Variants in FGF12 observed in about 807,000 individuals in gnomAD.
FGF12 encodes fibroblast growth factor 12B.
In FGF12, 14 loss-of-function variants were observed where a neutral mutation model predicts 23.6. That is an observed-to-expected ratio of 0.59 (90% CI 0.39 to 0.93). The LOEUF is 0.93. Ranked by LOEUF, FGF12 falls within the 40% of genes least tolerant of loss-of-function variation. FGF12 has a pLI of 0.00. For synonymous variants in FGF12, 62 were observed against 77.3 expected (o/e 0.80, Z 1.04); for missense variants, 175 against 217.8 (o/e 0.80, Z 1.24).
rs1724579272 is a variant in FGF12, at chr3:192,514,113, C to T, written c.14-153575G>A. Among the ~76,000 whole-genome samples, 1 of 152,072 alleles carries T rather than the reference C, an allele frequency of 6.6e-6. No individual in the cohort carries two copies. Among genetic ancestry groups the T allele is most frequent in the Non-Finnish European group, 1.5e-5 (1 of 68,018 alleles). On this transcript the variant is annotated intron_variant, in intron 2 of 5. Transcript: ENST00000445105. The surrounding 1 kb of genome is among the most constrained non-coding windows in gnomAD (Gnocchi z 4.9). ...CTTTCCCAGGGCACCCGGTTGAAGCCCAAGGCTAACTGGGACCCTCCTACT... is the reference window on the plus strand; with the variant it reads ...CTTTCCCAGGGCACCCGGTTGAAGCTCAAGGCTAACTGGGACCCTCCTACT...
chr3:192,284,665 GC>G (rs1245167730), intron 4 of FGF12, among the ~76,000 whole-genome samples: 1 of 151,954 alleles, frequency 6.6e-6, no homozygotes, highest in East Asian at 1.9e-4. Context: ...GATTCTCAAG[GC>G]AAATCAATAG....
chr3:192,527,337 A>G (rs1260953453), intron 2 of FGF12, among the ~76,000 whole-genome samples: 1 of 152,232 alleles, frequency 6.6e-6, no homozygotes, highest in Non-Finnish European at 1.5e-5. Flanking sequence ...AACTAAGATG[A>G]TGACTAGTTT....
intron 2 of FGF12, among the ~76,000 whole-genome samples, chr3:192,624,298 T>C (rs1209512942): frequency 6.6e-6 from 1 of 152,192 alleles, no homozygotes; most frequent in East Asian, 1.9e-4. Flanking sequence ...TTTCTATTTA[T>C]ATCAACATAG....
chr3:192,469,172 G>C (rs1367721375), intron 2 of FGF12, among the ~76,000 whole-genome samples: 1 of 152,016 alleles, frequency 6.6e-6, no homozygotes, highest in Non-Finnish European at 1.5e-5. Flanking sequence ...CTTCCCCAGC[G>C]CTGCAATCTA....
chr3:192,534,581 G>C (rs1247600854), intron 2 of FGF12, among the ~76,000 whole-genome samples: 1 of 151,998 alleles, frequency 6.6e-6, no homozygotes, highest in South Asian at 2.1e-4. Context: ...TAGAAAAGAT[G>C]GGGTTTTGTG....
intron 4 of FGF12, among the ~76,000 whole-genome samples, chr3:192,191,761 G>A (rs1028785523): frequency 6.6e-6 from 1 of 151,946 alleles, no homozygotes. Flanking sequence ...GCACGAACCC[G>A]GGAGGTGGAG....
At chr3:192,255,495 G>T (rs1712326790) in intron 4 of FGF12, among the ~76,000 whole-genome samples, 1 of 151,878 alleles carries the variant, frequency 6.6e-6, no homozygotes. Context: ...GCACAGTAGG[G>T]ATCATGTTAA....
At position 192,170,618 on chromosome 3, in the gene FGF12, C is replaced by T. The variant is rs1715499469; in HGVS notation, c.267G>A (p.Val89=). The part of the protein sequence containing the change: ...FTPECKFKES[V]FENYYVIYSS... ...AATAGATCACATAGTAGTTTTCAAA[C>T]ACAGATTCCTTGAATTTGCATTCTG... Residue 89 remains valine (V), a synonymous_variant, in exon 5 of 6, where the codon GTG becomes GTA. Transcript: ENST00000445105. 1 of 1,608,182 alleles carries T rather than the reference C, an allele frequency of 6.2e-7. No individual in the cohort carries two copies.
intron 4 of FGF12, among the ~76,000 whole-genome samples, chr3:192,246,172 T>C (rs1272899021): frequency 1.3e-5 from 2 of 152,100 alleles, no homozygotes; most frequent in Non-Finnish European, 2.9e-5. Flanking sequence ...ATAAACTAAA[T>C]GAATTTTAAA....
At position 192,671,890 on chromosome 3, in the gene FGF12, G is replaced by A. The variant is rs1717136727; in HGVS notation, c.13+55291C>T. Reference sequence around the variant, plus strand: ...CATTGCTAAAATTATGTGATTACAAGTTTAGTTTAAAGGAATAAATAATTT... The same window carrying A: ...CATTGCTAAAATTATGTGATTACAAATTTAGTTTAAAGGAATAAATAATTT... On this transcript the variant is annotated intron_variant, in intron 2 of 5. Transcript: ENST00000445105. 3.3e-5 allele frequency among the ~76,000 whole-genome samples: 5 copies of A among 152,130 alleles called. No individual in the cohort carries two copies. The South Asian group carries it at 1.0e-3, about 32-fold the overall frequency.
intron 2 of FGF12, among the ~76,000 whole-genome samples, chr3:192,504,109 G>A (rs894969181): frequency 5.3e-5 from 8 of 152,036 alleles, no homozygotes; most frequent in African/African-American, 1.7e-4. Context: ...GATACTGCAT[G>A]TTCTCACTTA....
intron 2 of FGF12, among the ~76,000 whole-genome samples, chr3:192,711,960 A>G (rs1297448517): frequency 6.6e-6 from 1 of 151,424 alleles, no homozygotes; most frequent in Non-Finnish European, 1.5e-5. Context: ...AAAAAAAAAA[A>G]AATGTAAATC....
chr3:192,609,235 T>C (rs1714458912), intron 2 of FGF12, among the ~76,000 whole-genome samples: 1 of 152,092 alleles, frequency 6.6e-6, no homozygotes, highest in Admixed American at 6.6e-5. Flanking sequence ...AGATGATGCA[T>C]AGGCAGACCT....
chr3:192,599,900 C>T (rs535800505), intron 2 of FGF12, among the ~76,000 whole-genome samples: 2 of 151,782 alleles, frequency 1.3e-5, no homozygotes, highest in Non-Finnish European at 2.9e-5. Context: ...TGATACAATC[C>T]CATTTGTTTA....
intron 2 of FGF12, among the ~76,000 whole-genome samples, chr3:192,453,117 A>G (rs1360405289): frequency 6.6e-6 from 1 of 151,706 alleles, no homozygotes; most frequent in African/African-American, 2.4e-5. Context: ...CATATTTTCT[A>G]CCTTCCTTCT....
intron 4 of FGF12, among the ~76,000 whole-genome samples, chr3:192,285,762 G>A (rs543048156): frequency 2.0e-5 from 3 of 151,968 alleles, no homozygotes; most frequent in Non-Finnish European, 4.4e-5. Context: ...CTTCTTGCAT[G>A]AAGTAAAAGA....
At chr3:192,618,287 C>T (rs1345184772) in intron 2 of FGF12, among the ~76,000 whole-genome samples, 1 of 151,560 alleles carries the variant, frequency 6.6e-6, no homozygotes, top group African/African-American at 2.4e-5. Context: ...GCTAAGTTAA[C>T]CAGAGAATGC....
At chr3:192,245,977 T>C (rs1484350442) in intron 4 of FGF12, among the ~76,000 whole-genome samples, 1 of 152,136 alleles carries the variant, frequency 6.6e-6, no homozygotes, top group Non-Finnish European at 1.5e-5. Context: ...TAAAAAACAC[T>C]TAAAAACTTA....
chr3:192,726,970 T>A, intron 2 of FGF12: 1 of 616,496 alleles, frequency 1.6e-6, no homozygotes, highest in Non-Finnish European at 2.9e-6. Context: ...ACGCAACTGA[T>A]GGAGTATTAA....
Sources: gnomAD v4.1 joint callset for allele counts (sites outside exome capture counted in the v4.1 genomes callset) on GRCh38, gnomAD v4.1.1 for gene constraint, Gnocchi (gnomAD v3.1) non-coding constraint, MANE v1.5 for transcripts, NCBI Gene and HGNC (gene_info 2026-07-23, HGNC 2026-07-21) for gene names.